PIGO: variants seen among roughly 807,000 people sequenced by gnomAD.
The protein encoded by PIGO is GPI ethanolamine phosphate transferase 3, catalytic subunit.
Under a neutral mutation model 86.9 loss-of-function variants are expected in PIGO, and 66 were observed. The observed-to-expected ratio is 0.76, with a 90% CI of 0.62 to 0.93. The LOEUF (loss-of-function observed/expected upper bound fraction) is 0.93, where lower values mean the gene tolerates loss of function less well. Ranked by LOEUF, PIGO falls within the 40% of genes least tolerant of loss-of-function variation. PIGO has a pLI of 0.00. For synonymous variants in PIGO, 570 were observed against 556.4 expected (o/e 1.02, Z -0.34); for missense variants, 1,202 against 1,359.1 (o/e 0.88, Z 1.82).
In PIGO at chr9:35,088,999, G is replaced by A. The variant is rs1438633492; in HGVS notation, c.*93C>T. ...TGCATGATAGTAAGAGTATGGCTGA[G>A]CCTGTCTTGCAGATCATCCAGTACC... On this transcript the variant is annotated 3_prime_UTR_variant, in exon 11 of 11. Coordinates refer to ENST00000378617, the MANE Select transcript of PIGO (RefSeq NM_032634.4). 1 of 1,538,388 alleles carries A rather than the reference G, an allele frequency of 6.5e-7. No homozygotes were observed. The highest frequency in any genetic ancestry group is 1.4e-5 in the African/African-American group (1 of 73,086).
intron 2 of PIGO, 39 bp downstream of exon 2, chr9:35,095,016 G>T: frequency 6.5e-7 from 1 of 1,534,410 alleles, no homozygotes; most frequent in South Asian, 1.3e-5. Flanking sequence ...GAAGAAATTT[G>T]CCAAGGTACT....
chr9:35,092,469 A>AT lies in PIGO; in HGVS notation c.1417dup (p.Ile473AsnfsTer33). On this transcript the variant is annotated frameshift_variant, in exon 7 of 11. Coordinates refer to ENST00000378617, the MANE Select transcript of PIGO (RefSeq NM_032634.4). LOFTEE classifies it high-confidence loss of function. ...AGGGCAGAATGGAAAGCCTGGGGAT[A>AT]TTGCCCACTGAGATGCCAGCAGGCA... is the stretch of plus-strand genomic sequence containing the variant. 2 of 1,614,230 alleles carry AT rather than the reference A, an allele frequency of 1.2e-6. No individual in the cohort carries two copies. The highest frequency in any genetic ancestry group is 1.7e-6 in the Non-Finnish European group (2 of 1,180,006).
rs755248929 is a variant in PIGO, at chr9:35,090,206, C to T, written c.2929G>A (p.Gly977Arg). Residue 977 changes from glycine to arginine, a missense_variant, in exon 9 of 11, where the codon GGG (glycine) becomes AGG (arginine). Transcript: ENST00000378617. ...QGLRKRQQPP[G>R]NEADARVRPE... ...CTGACTCTGGCATCAGCTTCATTCC[C>T]TGGGGGCTGCTGTCTCTTCCGCAGC... The T allele has an allele frequency of 1.2e-6, 2 of 1,614,212 alleles. No homozygotes were observed. The highest frequency in any genetic ancestry group is 1.7e-5 in the Admixed American group (1 of 60,034).
At position 35,092,367 on chromosome 9, in the gene PIGO, T is replaced by C; in HGVS notation, c.1520A>G (p.Lys507Arg). 6.2e-7 allele frequency: 1 copy of C among 1,614,238 alleles called. No homozygotes were observed. Among genetic ancestry groups the C allele is most frequent in the Non-Finnish European group, 8.5e-7 (1 of 1,180,028 alleles). ...AGCCCCTAGAAGCACTAGATCTAGC[T>C]TCAGCTCAATAGTTCCCAGGAGTCC... is the stretch of plus-strand genomic sequence containing the variant. ...YAGLLGTIEL[K>R]LDLVLLGAVA... The change falls in exon 7 of 11, where the codon AAG (lysine) becomes AGG (arginine). Residue 507 changes from lysine (K) to arginine (R), a missense_variant. By Grantham distance (26) the Lys-to-Arg change is conservative. Transcript: ENST00000378617.
chr9:35,095,713 T>C lies in PIGO; in HGVS notation c.-1-147A>G, dbSNP rs1829641681. ...TTTCACAGCCAACCCCTCGCAATAT[T>C]ACTCTCCTCCTATTTCCAGGCTGGG... On this transcript the variant is annotated intron_variant, in intron 1 of 10. Coordinates refer to ENST00000378617, the MANE Select transcript of PIGO (RefSeq NM_032634.4). 130 of 1,054,316 alleles carry C rather than the reference T, an allele frequency of 1.2e-4. 1 individual carries two copies. In the South Asian group the frequency reaches 2.1e-3, roughly 17 times the overall value. The allele number at this position is 1,054,316 out of a possible 1,614,324, so 65.3% of individuals were successfully genotyped here.
In PIGO at chr9:35,091,682, C is replaced by A. The variant is rs565127635; in HGVS notation, c.2205G>T (p.Leu735=). The change falls in exon 7 of 11, where the codon CTG becomes CTT. Residue 735 remains leucine, a synonymous_variant. Transcript: ENST00000378617. ...GCAGCACCATGGATGCCCCAGAGAC[C>A]AGGACCCGGAGACGGGGGGGAGCCT... ...ADEAPPRLRV[L]VSGASMVLPR... is the part of the protein sequence containing the mutation. 5.0e-6 allele frequency: 8 copies of A among 1,612,826 alleles called. No homozygotes were observed. The Admixed American group carries it at 1.0e-4, about 20-fold the overall frequency.
In PIGO at chr9:35,092,165, G is replaced by T; in HGVS notation, c.1722C>A (p.Pro574=). Residue 574 remains proline, a synonymous_variant, in exon 7 of 11, where the codon CCC becomes CCA. Transcript: ENST00000378617. ...GCAGGATGAATGAGCCCAAAAGGAAGGGGGTGGCCCTGGCCTCAGCTACAA... is the reference window on the plus strand; with the variant it reads ...GCAGGATGAATGAGCCCAAAAGGAATGGGGTGGCCCTGGCCTCAGCTACAA... ...SFVVAEARAT[P]FLLGSFILLL... is the part of the protein sequence containing the mutation. 1 of 1,614,210 alleles carries T rather than the reference G, an allele frequency of 6.2e-7. No individual in the cohort carries two copies. The highest frequency in any genetic ancestry group is 8.5e-7 in the Non-Finnish European group (1 of 1,180,038).
rs556909697 is a variant in PIGO at position 35,093,247 on chromosome 9, A to C, written c.940-38T>G. ...GACAGTGGTCAACAGATTCATCACAAAGCTGAAGTCAATGTTTGGGATGGC... is the reference window on the plus strand; with the variant it reads ...GACAGTGGTCAACAGATTCATCACACAGCTGAAGTCAATGTTTGGGATGGC... On this transcript the variant is annotated intron_variant, in intron 5 of 10. Coordinates refer to ENST00000378617, the MANE Select transcript of PIGO (RefSeq NM_032634.4). 13 of 1,592,768 alleles carry C rather than the reference A, an allele frequency of 8.2e-6. No individual in the cohort carries two copies. In the South Asian group the frequency reaches 1.5e-4, roughly 18 times the overall value.
At position 35,091,350 on chromosome 9, in the gene PIGO, G is replaced by A. The variant is rs770129887; in HGVS notation, c.2537C>T (p.Pro846Leu). The A allele has an allele frequency of 1.2e-6, 2 of 1,614,084 alleles. No homozygotes were observed. Among genetic ancestry groups the A allele is most frequent in the East Asian group, 4.5e-5 (2 of 44,900 alleles). ...MVTALTLLAFPLLLLHAERIS... is the reference protein window; with the variant it reads ...MVTALTLLAFLLLLLHAERIS... ...GCGCTCCGCATGCAACAGCAGAAGTGGGAAGGCCAACAGGGTGAGGGCTGT... is the reference window on the plus strand; with the variant it reads ...GCGCTCCGCATGCAACAGCAGAAGTAGGAAGGCCAACAGGGTGAGGGCTGT... The change falls in exon 7 of 11, where the codon CCA becomes CTA. Residue 846 changes from proline (P) to leucine (L), a missense_variant. By Grantham distance (98) the Pro-to-Leu change is moderately conservative. Coordinates refer to ENST00000378617, the MANE Select transcript of PIGO (RefSeq NM_032634.4).
At position 35,091,934 on chromosome 9, in the gene PIGO, A is replaced by C; in HGVS notation, c.1953T>G (p.Ser651=). The part of the protein sequence containing the change: ...CPEETPVCHS[S]PWLSPLASMV... ...TGGATGCCAGAGGACTCAGCCAGGG[A>C]GAGGAGTGGCAAACAGGTGTCTCTT... The change falls in exon 7 of 11, where the codon TCT becomes TCG. Residue 651 remains serine (S), a synonymous_variant. Transcript: ENST00000378617. 1 of 1,614,222 alleles carries C rather than the reference A, an allele frequency of 6.2e-7. No individual in the cohort carries two copies. Among genetic ancestry groups the C allele is most frequent in the South Asian group, 1.1e-5 (1 of 91,086 alleles).
At position 35,092,641 on chromosome 9, in the gene PIGO, C is replaced by T. The variant is rs1829487243; in HGVS notation, c.1246G>A (p.Gly416Arg). 6.2e-7 allele frequency: 1 copy of T among 1,614,256 alleles called. No individual in the cohort carries two copies. Among genetic ancestry groups the T allele is most frequent in the African/African-American group, 1.3e-5 (1 of 75,078 alleles). The change falls in exon 7 of 11, where the codon GGG becomes AGG. Residue 416 changes from glycine to arginine, a missense_variant. Coordinates refer to ENST00000378617, the MANE Select transcript of PIGO (RefSeq NM_032634.4). ...ACAGTCGGCAGTGTCGCCTCAGCCC[C>T]CTTGGGGCTCTGGAGAAGCCACTGG... ...DYQWLLQSPK[G>R]AEATLPTVIA... is the part of the protein sequence containing the mutation.
In PIGO at chr9:35,088,869, C is replaced by T. The variant is rs1464730123; in HGVS notation, c.*223G>A. 3 of 559,596 alleles carry T rather than the reference C, an allele frequency of 5.4e-6. No homozygotes were observed. The highest frequency in any genetic ancestry group is 6.0e-6 in the Non-Finnish European group (2 of 332,066). 34.7% of individuals were successfully genotyped at this position (559,596 alleles called of 1,614,324 possible). A position where few individuals can be genotyped will look rare whatever the true frequency, so the allele number is the denominator to read the frequency against. On this transcript the variant is annotated 3_prime_UTR_variant, in exon 11 of 11. Coordinates refer to ENST00000378617, the MANE Select transcript of PIGO (RefSeq NM_032634.4). ...CTATTTTATTCCACTTCGGAGACCG[C>T]CCCCCTTGTCCCTCAGATGCATCCA...
rs773348616 is a variant in PIGO, at chr9:35,093,096, A to AC, written c.1052dup (p.Glu352Ter). ...CAGAGGAGTGGGGCTGGGAGTCCTC[A>AC]CCCCCTGAGAATAGCTCAGCCATCA... On this transcript the variant is annotated frameshift_variant, in exon 6 of 11. Transcript: ENST00000378617. LOFTEE classifies it high-confidence loss of function. The AC allele has an allele frequency of 1.2e-6, 2 of 1,614,064 alleles. No homozygotes were observed. Among genetic ancestry groups the AC allele is most frequent in the East Asian group, 2.2e-5 (1 of 44,886 alleles).
Position 35,088,850 on chromosome 9 carries a change from T to C in PIGO, c.*242A>G, listed in dbSNP as rs1039748905. On this transcript the variant is annotated 3_prime_UTR_variant, in exon 11 of 11. Coordinates refer to ENST00000378617, the MANE Select transcript of PIGO (RefSeq NM_032634.4). ...GCAAGTCACCACGCCCGGCCTATTTTATTCCACTTCGGAGACCGCCCCCCT... is the reference window on the plus strand; with the variant it reads ...GCAAGTCACCACGCCCGGCCTATTTCATTCCACTTCGGAGACCGCCCCCCT... 9 of 466,820 alleles carry C rather than the reference T, an allele frequency of 1.9e-5. No individual in the cohort carries two copies. The highest frequency in any genetic ancestry group is 1.6e-4 in the African/African-American group (8 of 50,878). The allele number at this position is 466,820 out of a possible 1,614,324, so 28.9% of individuals were successfully genotyped here.
Position 35,091,525 on chromosome 9 carries a change from T to TG in PIGO, c.2361dup (p.Thr788HisfsTer5), listed in dbSNP as rs770591449. 16 of 1,613,840 alleles carry TG rather than the reference T, an allele frequency of 9.9e-6. No individual in the cohort carries two copies. The highest frequency in any genetic ancestry group is 1.1e-5 in the South Asian group (1 of 91,072). The stretch of plus-strand genomic sequence containing the variant: ...ACATAATCCAAGTCAGCTTGAGAAG[T>TG]GGGGGGGCCTGAGAAGGGAGTGAGG... On this transcript the variant is annotated frameshift_variant, in exon 7 of 11. Coordinates refer to ENST00000378617, the MANE Select transcript of PIGO (RefSeq NM_032634.4). LOFTEE classifies it high-confidence loss of function.
chr9:35,090,689 G>A lies in PIGO; in HGVS notation c.2648-17C>T. 3.7e-6 allele frequency: 6 copies of A among 1,611,618 alleles called. No homozygotes were observed. Among genetic ancestry groups the A allele is most frequent in the Non-Finnish European group, 5.1e-6 (6 of 1,178,352 alleles). ...TAAAAGGACCTGGAAGAAAAGATAT[G>A]CCACGTTACAGTCACTTCTTATTCC... On this transcript the variant is annotated splice_polypyrimidine_tract_variant and intron_variant, in intron 7 of 10. Transcript: ENST00000378617.
rs1175305039 is a variant in PIGO, at chr9:35,093,453, G to A, written c.907C>T (p.Pro303Ser). Reference protein sequence around the residue: ...EVSAALFLYSPTAVFPSTPPE... With the variant: ...EVSAALFLYSSTAVFPSTPPE... ...GGGGTGCTGGGGAAGACTGCTGTGGGGCTATACAGAAAGAGAGCAGCTGAG... is the reference window on the plus strand; with the variant it reads ...GGGGTGCTGGGGAAGACTGCTGTGGAGCTATACAGAAAGAGAGCAGCTGAG... The change falls in exon 5 of 11, where the codon CCC becomes TCC. Residue 303 changes from proline (P) to serine (S), a missense_variant. Transcript: ENST00000378617. The A allele has an allele frequency of 2.5e-6, 4 of 1,614,030 alleles. No individual in the cohort carries two copies. The highest frequency in any genetic ancestry group is 2.7e-5 in the African/African-American group (2 of 74,906).
intron 7 of PIGO, 49 bp from the exon 8 acceptor site, chr9:35,090,721 C>T (rs1323930007): frequency 2.6e-6 from 4 of 1,559,906 alleles, no homozygotes; most frequent in Non-Finnish European, 3.5e-6. Flanking sequence ...TTCCCTAATC[C>T]ATAGGCTACT....
rs142276590 is a variant in PIGO at position 35,095,298 on chromosome 9, C to T, written c.268G>A (p.Val90Met). ...FDFAQPQHSH[V>M]PREPPVSLPF... ...AGGGAGACAGGAGGCTCTCTAGGCA[C>T]GTGTGAATGCTGGGGCTGGGCGAAG... is the stretch of plus-strand genomic sequence containing the variant. Residue 90 changes from valine to methionine, a missense_variant, in exon 2 of 11, where the codon GTG (valine) becomes ATG (methionine). By Grantham distance (21) the Val-to-Met change is conservative. Coordinates refer to ENST00000378617, the MANE Select transcript of PIGO (RefSeq NM_032634.4). 1.7e-5 allele frequency: 27 copies of T among 1,614,038 alleles called. No individual in the cohort carries two copies. The highest frequency in any genetic ancestry group is 1.6e-4 in the African/African-American group (12 of 74,894).
Sources: gnomAD v4.1 joint callset for allele counts on GRCh38, gnomAD v4.1.1 for gene constraint, MANE v1.5 for transcripts, NCBI Gene and HGNC (gene_info 2026-07-23, HGNC 2026-07-21) for gene names.